SLC26A8: variants seen among roughly 807,000 people sequenced by gnomAD.
SLC26A8 encodes solute carrier family 26 member 8.
A neutral mutation model predicts 105.0 loss-of-function variants in SLC26A8; 70 were observed. The observed-to-expected ratio is 0.67, with a 90% CI of 0.55 to 0.81. The LOEUF is 0.81. Ranked by LOEUF, SLC26A8 falls within the 40% of genes least tolerant of loss-of-function variation. The probability of loss-of-function intolerance (pLI) is 0.00; values close to 1 mark genes in which losing one functional copy is unlikely to be tolerated. For synonymous variants in SLC26A8, 415 were observed against 438.3 expected (o/e 0.95, Z 0.66); for missense variants, 998 against 1,181.8 (o/e 0.84, Z 2.28).
intron 3 of SLC26A8, among the ~76,000 whole-genome samples, chr6:36,002,991 A>G (rs537993233): frequency 9.2e-5 from 14 of 152,220 alleles, no homozygotes; most frequent in Admixed American, 2.6e-4. Flanking sequence ...GGCATAAATC[A>G]GTGTGACTGG....
chr6:35,996,988 T>C (rs1761373029), intron 5 of SLC26A8, among the ~76,000 whole-genome samples: 1 of 151,732 alleles, frequency 6.6e-6, no homozygotes, highest in Non-Finnish European at 1.5e-5. Flanking sequence ...TGAGCCACGA[T>C]TGTCCCATTG....
chr6:35,956,753 C>T (rs1224792109), intron 16 of SLC26A8, among the ~76,000 whole-genome samples: 1 of 151,996 alleles, frequency 6.6e-6, no homozygotes. Context: ...AATTCCATCT[C>T]TACTAAAAAT....
At chr6:36,013,549 A>G (rs939111951) in intron 2 of SLC26A8, among the ~76,000 whole-genome samples, 1 of 152,208 alleles carries the variant, frequency 6.6e-6, no homozygotes, top group Non-Finnish European at 1.5e-5. Flanking sequence ...ACACAGGCCA[A>G]TTCTCCACAA....
chr6:35,962,425 G>C, intron 12 of SLC26A8, 101 bp downstream of exon 12: 2 of 939,934 alleles, frequency 2.1e-6, no homozygotes, highest in Non-Finnish European at 3.3e-6. Context: ...AGAGTTGTTT[G>C]TGTTCTTTAG....
chr6:35,994,049 C>G (rs1485520667), intron 5 of SLC26A8, among the ~76,000 whole-genome samples: 2 of 151,238 alleles, frequency 1.3e-5, no homozygotes, highest in African/African-American at 2.4e-5. Context: ...AATCATTTTG[C>G]TTTAACAGGT....
At chr6:35,956,446 A>G (rs1176583868) in intron 16 of SLC26A8, among the ~76,000 whole-genome samples, 1 of 151,924 alleles carries the variant, frequency 6.6e-6, no homozygotes, top group Non-Finnish European at 1.5e-5. Flanking sequence ...AAAAAAAAAA[A>G]AAAATTACAT....
rs144099545 is a variant in SLC26A8 at position 35,999,440 on chromosome 6, G to A, written c.445+552C>T. Among the ~76,000 whole-genome samples the A allele has an allele frequency of 9.2e-5, 14 of 152,354 alleles. No homozygotes were observed. The East Asian group carries it at 2.5e-3, about 27-fold the overall frequency. On this transcript the variant is annotated intron_variant, in intron 4 of 19. Transcript: ENST00000490799. ...GCAGGCTCACCTAGGTGAAGTAAAT[G>A]TGCTGATCATATGACCTTTAATTAG...
chr6:35,947,328 G>T (rs565557027), intron 19 of SLC26A8, among the ~76,000 whole-genome samples: 12 of 152,206 alleles, frequency 7.9e-5, no homozygotes, highest in African/African-American at 1.7e-4. Flanking sequence ...ACCACACTTG[G>T]CCACCACTAG....
intron 17 of SLC26A8, among the ~76,000 whole-genome samples, chr6:35,952,639 A>G (rs1176837957): frequency 6.6e-6 from 1 of 152,146 alleles, no homozygotes. Context: ...GCCACAACAG[A>G]CTCTAAATGA....
chr6:35,969,052 T>C, intron 10 of SLC26A8, 98 bp from the exon 11 acceptor site: 1 of 1,069,504 alleles, frequency 9.4e-7, no homozygotes, highest in South Asian at 1.4e-5. Context: ...TGTCAATTTT[T>C]CTTAAAAGGA....
chr6:36,007,983 A>G (rs1438399091), intron 3 of SLC26A8, among the ~76,000 whole-genome samples: 2 of 151,962 alleles, frequency 1.3e-5, no homozygotes, highest in Non-Finnish European at 2.9e-5. Flanking sequence ...AGCCAGGCAT[A>G]GTGGCAGGCG....
intron 10 of SLC26A8, chr6:35,969,835 A>G (rs962148700): frequency 1.3e-5 from 2 of 152,284 alleles, no homozygotes; most frequent in East Asian, 3.8e-4. Flanking sequence ...AGAAAAAGCT[A>G]CAAACATGAG....
At chr6:35,953,315 A>G (rs556778831) in intron 17 of SLC26A8, among the ~76,000 whole-genome samples, 1 of 152,272 alleles carries the variant, frequency 6.6e-6, no homozygotes, top group East Asian at 1.9e-4. Flanking sequence ...AAAGAGGAGG[A>G]GCAAGGGAGA....
chr6:35,948,101 T>C (rs1771737080), intron 19 of SLC26A8, among the ~76,000 whole-genome samples: 2 of 152,244 alleles, frequency 1.3e-5, no homozygotes, highest in African/African-American at 4.8e-5. Context: ...CAAGGGATTT[T>C]ATATTTTTAA....
intron 7 of SLC26A8, among the ~76,000 whole-genome samples, chr6:35,984,319 A>ATT (rs59314649): frequency 0.28 from 32,991 of 115,942 alleles, 4,880 homozygotes; most frequent in East Asian, 0.47. Flanking sequence ...TCTTCTTCTT[A>ATT]TTTTTTTTTT....
rs566209205 is a variant in SLC26A8, at chr6:35,959,497, C to A, written c.1826G>T (p.Cys609Phe). The A allele has an allele frequency of 2.6e-4, 418 of 1,613,694 alleles. 5 individuals are homozygous for A. In the South Asian group the frequency reaches 4.4e-3, roughly 17 times the overall value. The part of the protein sequence containing the change: ...TNLQGGKICR[C>F]FCNCDDLEPL... ...CTCCAGATCATCACAGTTGCAGAAA[C>A]ACCTGCAAATCTTTCCTCCTTGTAG... The change falls in exon 16 of 20, where the codon TGT becomes TTT. Residue 609 changes from cysteine (C) to phenylalanine (F), a missense_variant. Cys to Phe is a radical substitution (Grantham distance 205). Coordinates refer to ENST00000490799, the MANE Select transcript of SLC26A8 (RefSeq NM_052961.4).
rs1268746153 is a variant in SLC26A8, at chr6:35,981,416, G to A, written c.1025+705C>T. On this transcript the variant is annotated intron_variant, in intron 8 of 19. Coordinates refer to ENST00000490799, the MANE Select transcript of SLC26A8 (RefSeq NM_052961.4). The surrounding 1 kb of genome is among the most constrained non-coding windows in gnomAD (Gnocchi z 4.0). ...AGCACTATAGGAGGCCAAGGCAGGAGGAATGTTTGAGTCTGGGATTTTGAG... is the reference window on the plus strand; with the variant it reads ...AGCACTATAGGAGGCCAAGGCAGGAAGAATGTTTGAGTCTGGGATTTTGAG... Among the ~76,000 whole-genome samples the A allele has an allele frequency of 6.6e-6, 1 of 152,186 alleles. No individual in the cohort carries two copies. The highest frequency in any genetic ancestry group is 1.9e-4 in the East Asian group (1 of 5,192).
intron 16 of SLC26A8, among the ~76,000 whole-genome samples, chr6:35,956,989 G>A (rs187186521): frequency 3.6e-4 from 55 of 151,444 alleles, no homozygotes; most frequent in African/African-American, 1.3e-3. Context: ...GTGGGAGGCC[G>A]AGACAGGCAG....
chr6:35,947,859 A>G (rs543628436), intron 19 of SLC26A8, among the ~76,000 whole-genome samples: 3 of 152,322 alleles, frequency 2.0e-5, no homozygotes, highest in Admixed American at 6.5e-5. Context: ...TGAGCCTGAG[A>G]GGCCGAGGCT....
Sources: allele counts gnomAD v4.1 joint callset (sites outside exome capture counted in the v4.1 genomes callset), GRCh38; gene constraint gnomAD v4.1.1; non-coding constraint Gnocchi (gnomAD v3.1); transcripts MANE v1.5; gene names NCBI Gene and HGNC (gene_info 2026-07-23, HGNC 2026-07-21).